Variants in JMJD1C observed in about 807,000 individuals in gnomAD.
JMJD1C encodes the protein jumonji domain containing 1C.
In JMJD1C, 31 loss-of-function variants were observed where a neutral mutation model predicts 245.3. The ratio of observed to expected loss-of-function variants is 0.13; its 90% CI spans 0.09 to 0.17. The LOEUF is 0.17. Ranked by LOEUF, JMJD1C falls within the 10% of genes least tolerant of loss-of-function variation. JMJD1C has a pLI of 1.00. For missense variants in JMJD1C, 2,691 were observed against 3,000.2 expected (o/e 0.90, Z 2.41); for synonymous variants, 1,057 against 1,017.4 (o/e 1.04, Z -0.74).
At chr10:63,521,496 A>T in intron 1 of JMJD1C, 1 of 1,327,060 alleles carries the variant, frequency 7.5e-7, no homozygotes, top group South Asian at 1.8e-5. Flanking sequence ...CCTGGTCCGC[A>T]GCGCCCTGCG....
chr10:63,213,361 C>G, intron 8 of JMJD1C, 112 bp downstream of exon 8: 1 of 714,722 alleles, frequency 1.4e-6, no homozygotes, highest in Admixed American at 2.6e-5. Context: ...CCGAAAAATT[C>G]TAACATATTT....
chr10:63,262,769 C>T (rs975351007), intron 3 of JMJD1C, among the ~76,000 whole-genome samples: 7 of 152,074 alleles, frequency 4.6e-5, no homozygotes, highest in Admixed American at 1.3e-4. Flanking sequence ...CACTAAACTG[C>T]GTTAAGACTT....
chr10:63,358,931 C>G (rs1945093915), intron 2 of JMJD1C: 1 of 159,464 alleles, frequency 6.3e-6, no homozygotes, highest in African/African-American at 2.4e-5. Context: ...GACAGAAAAT[C>G]TAACCATGTT....
rs531508301 is a variant in JMJD1C, at chr10:63,234,551, TA to T, written c.448-14569del. On this transcript the variant is annotated intron_variant, in intron 3 of 25. Transcript: ENST00000399262. Reference sequence around the variant, plus strand: ...AAAAACAAAAACCTTCCCTATCCTATAAAAAAAAACCTTTTAATATGTTAAT... The same window carrying T: ...AAAAACAAAAACCTTCCCTATCCTATAAAAAAAACCTTTTAATATGTTAAT... Among the ~76,000 whole-genome samples, 569 of 87,998 alleles carry T rather than the reference TA, an allele frequency of 6.5e-3. 13 individuals carry two copies. The highest frequency in any genetic ancestry group is 2.0e-3 in the Non-Finnish European group (77 of 38,904). 57.7% of individuals were successfully genotyped at this position (87,998 alleles called of 152,430 possible).
intron 2 of JMJD1C, among the ~76,000 whole-genome samples, chr10:63,316,777 G>T (rs1940121087): frequency 6.6e-6 from 1 of 152,106 alleles, no homozygotes; most frequent in Non-Finnish European, 1.5e-5. Context: ...GTAGTAATGT[G>T]GTATTCTGCT....
intron 3 of JMJD1C, among the ~76,000 whole-genome samples, chr10:63,255,031 T>C (rs1274766368): frequency 6.6e-6 from 1 of 151,632 alleles, no homozygotes; most frequent in Non-Finnish European, 1.5e-5. Flanking sequence ...TTTTATTTTT[T>C]TGTAGACAGG....
intron 2 of JMJD1C, among the ~76,000 whole-genome samples, chr10:63,290,400 C>T (rs980847319): frequency 2.0e-5 from 3 of 152,004 alleles, no homozygotes; most frequent in Non-Finnish European, 4.4e-5. Context: ...GAAACCCCGT[C>T]CCTATTAAAA....
chr10:63,506,916 G>A (rs1954735964), intron 1 of JMJD1C, among the ~76,000 whole-genome samples: 1 of 144,828 alleles, frequency 6.9e-6, no homozygotes, highest in African/African-American at 2.9e-5. Flanking sequence ...CCTGTTCTCT[G>A]ATTATTCACC....
chr10:63,311,220 A>AC (rs1939144823), intron 2 of JMJD1C, among the ~76,000 whole-genome samples: 1 of 151,648 alleles, frequency 6.6e-6, no homozygotes, highest in Admixed American at 6.6e-5. Context: ...AAAAAAAAAA[A>AC]AAAAACAAAT....
At position 63,204,087 on chromosome 10, in the gene JMJD1C, C is replaced by T. The variant is rs527642545; in HGVS notation, c.5074+2508G>A. On this transcript the variant is annotated intron_variant, in intron 10 of 25. Transcript: ENST00000399262. ...CTATGGTTACACCTGTGAATATCCACTGCACTCCAGTCTGGGCAATGTAGG... is the reference window on the plus strand; with the variant it reads ...CTATGGTTACACCTGTGAATATCCATTGCACTCCAGTCTGGGCAATGTAGG... The T allele has an allele frequency of 3.3e-6, 3 of 896,246 alleles. No individual in the cohort carries two copies. The East Asian group carries it at 3.6e-4, about 107-fold the overall frequency. 55.5% of individuals were successfully genotyped at this position (896,246 alleles called of 1,614,324 possible).
intron 1 of JMJD1C, among the ~76,000 whole-genome samples, chr10:63,497,765 C>T (rs1413518026): frequency 2.0e-5 from 3 of 152,122 alleles, no homozygotes; most frequent in Non-Finnish European, 4.4e-5. Flanking sequence ...GCTTTCTTTG[C>T]AAACTGGGAG....
intron 1 of JMJD1C, among the ~76,000 whole-genome samples, chr10:63,474,842 T>C (rs1199185978): frequency 6.7e-6 from 1 of 148,932 alleles, no homozygotes; most frequent in Admixed American, 7.1e-5. Context: ...CCAGTCAGCC[T>C]ACTCTCAAAT....
At chr10:63,465,111 C>A in intron 1 of JMJD1C, 1 of 251,432 alleles carries the variant, frequency 4.0e-6, no homozygotes, top group Non-Finnish European at 7.6e-6. Context: ...GGAAGCTGGC[C>A]GCCTGTCGCC....
At chr10:63,509,368 T>C (rs765326533) in intron 1 of JMJD1C, among the ~76,000 whole-genome samples, 20 of 152,250 alleles carry the variant, frequency 1.3e-4, no homozygotes, top group Non-Finnish European at 2.6e-4. Flanking sequence ...TAAGAGATGT[T>C]AGTATGTACT....
chr10:63,265,044 T>C (rs960435977), intron 2 of JMJD1C, among the ~76,000 whole-genome samples: 1 of 152,170 alleles, frequency 6.6e-6, no homozygotes, highest in Non-Finnish European at 1.5e-5. Context: ...AAAATATGCA[T>C]GTGTGTAAAA....
intron 1 of JMJD1C, among the ~76,000 whole-genome samples, chr10:63,421,315 G>A (rs1033415852): frequency 2.0e-5 from 3 of 152,080 alleles, no homozygotes; most frequent in African/African-American, 7.2e-5. Flanking sequence ...GCCTGGGCAA[G>A]AAGAGTGAAA....
At chr10:63,393,029 G>A (rs1948202746) in intron 1 of JMJD1C, among the ~76,000 whole-genome samples, 1 of 151,932 alleles carries the variant, frequency 6.6e-6, no homozygotes, top group Non-Finnish European at 1.5e-5. Flanking sequence ...CACTTCCAGA[G>A]GCCAAGTTAG....
chr10:63,427,358 C>T, intron 1 of JMJD1C: 1 of 1,041,054 alleles, frequency 9.6e-7, no homozygotes, highest in South Asian at 1.3e-5. Flanking sequence ...GTGTTCACCG[C>T]CTTCTGGCAT....
intron 2 of JMJD1C, among the ~76,000 whole-genome samples, chr10:63,365,278 C>T (rs1945739108): frequency 6.6e-6 from 1 of 152,172 alleles, no homozygotes; most frequent in Non-Finnish European, 1.5e-5. Flanking sequence ...TCATTTTCCA[C>T]TTGTACATCT....
Sources: allele counts gnomAD v4.1 joint callset (sites outside exome capture counted in the v4.1 genomes callset), GRCh38; gene constraint gnomAD v4.1.1; transcripts MANE v1.5; gene names NCBI Gene and HGNC (gene_info 2026-07-23, HGNC 2026-07-21).